PCSK5: variants seen among roughly 807,000 people sequenced by gnomAD.
PCSK5 encodes the protein proprotein convertase subtilisin/kexin type 5.
In PCSK5, 129 loss-of-function variants were observed where a neutral mutation model predicts 233.2. The ratio of observed to expected loss-of-function variants is 0.55; its 90% CI spans 0.48 to 0.64. PCSK5 has a LOEUF of 0.64. Ranked by LOEUF, PCSK5 falls within the 30% of genes least tolerant of loss-of-function variation. PCSK5 has a pLI of 0.00. For synonymous variants in PCSK5, 825 were observed against 879.2 expected, an observed-to-expected ratio of 0.94 and a Z score of 1.09; for missense variants, 2,076 against 2,430.1, an observed-to-expected ratio of 0.85 and a Z score of 3.06.
At chr9:76,181,671 T>G in intron 16 of PCSK5, 80 bp downstream of exon 16, 1 of 914,248 alleles carries the variant, frequency 1.1e-6, no homozygotes, top group East Asian at 2.6e-5. Flanking sequence ...GGATAGCCTC[T>G]TTGTGAAATC....
chr9:76,033,561 G>A (rs1377195369), intron 5 of PCSK5, among the ~76,000 whole-genome samples: 2 of 151,738 alleles, frequency 1.3e-5, no homozygotes, highest in Non-Finnish European at 2.9e-5. Flanking sequence ...GAGGCTTAAT[G>A]TATACCAAAC....
rs1424489987 is a variant in PCSK5, at chr9:76,323,092, C to T, written c.4143C>T (p.His1381=). The change falls in exon 32 of 38, where the codon CAC becomes CAT. Residue 1381 remains histidine, a synonymous_variant. Transcript: ENST00000674117. ...PEFFLHDDMC[H]QSCPRGFYAD... ...TCTTCCTGCACGATGATATGTGCCA[C>T]CAGTCCTGTCCCCGTGGCTTCTATG... 2.5e-6 allele frequency: 4 copies of T among 1,609,836 alleles called. No individual in the cohort carries two copies. In the East Asian group the frequency reaches 6.7e-5, roughly 27 times the overall value.
At chr9:75,924,357 T>TA (rs796386741) in intron 1 of PCSK5, among the ~76,000 whole-genome samples, 83 of 151,404 alleles carry the variant, frequency 5.5e-4, no homozygotes, top group African/African-American at 1.8e-3. Flanking sequence ...AACTAAAGTC[T>TA]AAAAAAAAAT....
At chr9:76,085,289 G>T (rs544782116) in intron 7 of PCSK5, among the ~76,000 whole-genome samples, 28 of 152,312 alleles carry the variant, frequency 1.8e-4, no homozygotes, top group East Asian at 7.7e-4. Context: ...CCTGCTGTTT[G>T]TTCTGTTCTC....
chr9:76,115,422 T>G (rs143202794), intron 9 of PCSK5, among the ~76,000 whole-genome samples: 1 of 152,178 alleles, frequency 6.6e-6, no homozygotes, highest in South Asian at 2.1e-4. Flanking sequence ...TCTTTTAATT[T>G]AAACAGAGTG....
intron 8 of PCSK5, among the ~76,000 whole-genome samples, chr9:76,097,599 G>A (rs999299566): frequency 5.9e-5 from 9 of 152,212 alleles, no homozygotes; most frequent in Non-Finnish European, 1.3e-4. Context: ...AGCCTGCTGC[G>A]TGAGTTTCTT....
chr9:76,225,963 C>A (rs1052078675), intron 20 of PCSK5, among the ~76,000 whole-genome samples: 1 of 152,166 alleles, frequency 6.6e-6, no homozygotes, highest in African/African-American at 2.4e-5. Flanking sequence ...TGTTGGTATG[C>A]CTTTGCCCCT....
intron 9 of PCSK5, among the ~76,000 whole-genome samples, chr9:76,112,825 T>C (rs373709564): frequency 2.0e-5 from 3 of 152,060 alleles, no homozygotes; most frequent in South Asian, 4.2e-4. Flanking sequence ...GAAATCGTTC[T>C]GGGGGAAGGG....
chr9:76,233,620 C>A (rs538300762), intron 22 of PCSK5, 24 bp downstream of exon 22: 7 of 1,602,584 alleles, frequency 4.4e-6, no homozygotes, highest in Non-Finnish European at 5.1e-6. Flanking sequence ...GCTCCTCCGT[C>A]TTCTGCACCC....
intron 3 of PCSK5, among the ~76,000 whole-genome samples, chr9:75,996,232 A>G (rs1463041130): frequency 6.6e-6 from 1 of 152,218 alleles, no homozygotes. Flanking sequence ...TATGAAGAAG[A>G]CTTTTATTAA....
chr9:76,163,905 G>A (rs1449754215), intron 12 of PCSK5, among the ~76,000 whole-genome samples: 1 of 110,324 alleles, frequency 9.1e-6, no homozygotes, highest in Non-Finnish European at 1.8e-5. Context: ...TTGAGTTTTA[G>A]ATTTAGCTTA....
At position 76,296,860 on chromosome 9, in the gene PCSK5, G is replaced by C. The variant is rs1369725490; in HGVS notation, c.3518G>C (p.Trp1173Ser). 6.2e-7 allele frequency: 1 copy of C among 1,601,282 alleles called. No homozygotes were observed. The change falls in exon 27 of 38, where the codon TGG (tryptophan) becomes TCG (serine). Residue 1173 changes from tryptophan to serine, a missense_variant. Around this residue, in one of 6 missense-constraint regions of PCSK5, gnomAD observed 1,510 missense variants for 1,538.1 expected, o/e 0.98. Coordinates refer to ENST00000674117, the MANE Select transcript of PCSK5 (RefSeq NM_001372043.1). ...AAGACCCAGGAGGAGGGCAAATTCTGGAATGGTATGTGCCCCCCAAAAAAG... is the reference window on the plus strand; with the variant it reads ...AAGACCCAGGAGGAGGGCAAATTCTCGAATGGTATGTGCCCCCCAAAAAAG... Reference protein sequence around the residue: ...ATKTQEEGKFWNEAVSTANLS... With the variant: ...ATKTQEEGKFSNEAVSTANLS...
rs758587376 is a variant in PCSK5 at position 76,181,447 on chromosome 9, C to A, written c.2053C>A (p.Arg685Ser). Residue 685 changes from arginine (R) to serine (S), a missense_variant, in exon 16 of 38, where the codon CGC (arginine) becomes AGC (serine). By Grantham distance (110) the Arg-to-Ser change is moderately radical. Around this residue, in one of 6 missense-constraint regions of PCSK5, gnomAD observed 1,510 missense variants for 1,538.1 expected, o/e 0.98. Transcript: ENST00000674117. ...PPGHYHADKK[R>S]CRKCAPNCES... ...TGGCCACTACCACGCCGACAAGAAG[C>A]GCTGCAGGAAGTGTGCCCCCAACTG... is the stretch of plus-strand genomic sequence containing the variant. 6.2e-6 allele frequency: 10 copies of A among 1,614,028 alleles called. No individual in the cohort carries two copies. The South Asian group carries it at 9.9e-5, about 16-fold the overall frequency.
At chr9:75,981,861 C>T (rs946335000) in intron 2 of PCSK5, among the ~76,000 whole-genome samples, 1 of 152,114 alleles carries the variant, frequency 6.6e-6, no homozygotes, top group Non-Finnish European at 1.5e-5. Context: ...TTGGGCCCAG[C>T]CTTAGTCATA....
chr9:76,053,654 GTTC>G (rs1829717027), intron 5 of PCSK5, among the ~76,000 whole-genome samples: 1 of 152,156 alleles, frequency 6.6e-6, no homozygotes, highest in Non-Finnish European at 1.5e-5. Flanking sequence ...TTCCCAGCAA[GTTC>G]TTCATCTTTA....
At chr9:76,239,244 AT>A in intron 23 of PCSK5, 79 bp downstream of exon 23, 1 of 1,200,746 alleles carries the variant, frequency 8.3e-7, no homozygotes, top group East Asian at 2.6e-5. Context: ...GGAGACTTGA[AT>A]TGCCTTCCTG....
intron 24 of PCSK5, among the ~76,000 whole-genome samples, chr9:76,252,134 G>A (rs1334063284): frequency 6.6e-6 from 1 of 151,742 alleles, no homozygotes; most frequent in African/African-American, 2.4e-5. Flanking sequence ...GGGCATGGTG[G>A]CGGGGTGCCT....
intron 6 of PCSK5, among the ~76,000 whole-genome samples, chr9:76,070,883 A>C (rs1037218140): frequency 2.0e-5 from 3 of 152,162 alleles, no homozygotes; most frequent in African/African-American, 7.2e-5. Context: ...TAAAAATATA[A>C]TTTTTAAATG....
chr9:76,299,368 G>A (rs910607393), intron 27 of PCSK5, among the ~76,000 whole-genome samples: 1 of 152,124 alleles, frequency 6.6e-6, no homozygotes, highest in African/African-American at 2.4e-5. Context: ...TAAATGGCAG[G>A]AATAAAACCA....
Sources: allele counts gnomAD v4.1 joint callset (sites outside exome capture counted in the v4.1 genomes callset), GRCh38; gene constraint gnomAD v4.1.1; regional missense constraint gnomAD v4.1.1; transcripts MANE v1.5; gene names NCBI Gene and HGNC (gene_info 2026-07-23, HGNC 2026-07-21).